The following TOM1 variants were observed in gnomAD, a reference collection of about 807,000 sequenced individuals.
TOM1 encodes the protein target of myb1 membrane trafficking protein.
TOM1 carries 38 observed loss-of-function variants against 61.3 expected under a neutral mutation model. The ratio of observed to expected loss-of-function variants is 0.62; its 90% CI spans 0.48 to 0.81. The LOEUF (loss-of-function observed/expected upper bound fraction) is 0.81. Ranked by LOEUF, TOM1 falls within the 40% of genes least tolerant of loss-of-function variation. The pLI, the probability that TOM1 is intolerant of heterozygous loss-of-function variation, is 0.00. For synonymous variants in TOM1, 270 were observed against 268.8 expected, an observed-to-expected ratio of 1.00 and a Z score of -0.04; for missense variants, 591 against 659.6, an observed-to-expected ratio of 0.90 and a Z score of 1.14.
intron 11 of TOM1, among the ~76,000 whole-genome samples, chr22:35,336,197 G>C (rs901444423): frequency 6.6e-6 from 1 of 152,168 alleles, no homozygotes; most frequent in Non-Finnish European, 1.5e-5. Context: ...CCCAGGGCTT[G>C]GTTTCCACCC....
At chr22:35,304,279 G>C (rs1367275863) in intron 1 of TOM1, among the ~76,000 whole-genome samples, 2 of 152,080 alleles carry the variant, frequency 1.3e-5, no homozygotes, top group Non-Finnish European at 2.9e-5. Flanking sequence ...CCTCAGATAA[G>C]GACATGTACA....
chr22:35,337,127 G>A (rs1040941538), intron 11 of TOM1, among the ~76,000 whole-genome samples: 1 of 152,014 alleles, frequency 6.6e-6, no homozygotes, highest in Non-Finnish European at 1.5e-5. Context: ...TAGTAGAGAC[G>A]GGGTTTCACC....
chr22:35,318,785 G>A (rs1054917970), intron 2 of TOM1, among the ~76,000 whole-genome samples: 2 of 152,260 alleles, frequency 1.3e-5, no homozygotes, highest in Admixed American at 1.3e-4. Context: ...AGCAGGAAGT[G>A]CTGCCAGACG....
Position 35,330,361 on chromosome 22 carries a change from G to T in TOM1, c.780G>T (p.Thr260=), listed in dbSNP as rs187202267. 6.2e-7 allele frequency: 1 copy of T among 1,612,274 alleles called. No individual in the cohort carries two copies. The highest frequency in any genetic ancestry group is 8.5e-7 in the Non-Finnish European group (1 of 1,179,342). ...DLELLQELNR[T]CRAMQQRVLE... ...TTTCCTGGCAGGAGCTCAACCGCAC[G>T]TGCCGAGCCATGCAGCAGCGGGTCC... Residue 260 remains threonine, a synonymous_variant, in exon 8 of 15, where the codon ACG becomes ACT. Transcript: ENST00000449058.
In TOM1 at chr22:35,323,864, G is replaced by T. The variant is rs756741564; in HGVS notation, c.598G>T (p.Ala200Ser). Residue 200 changes from alanine to serine, a missense_variant, in exon 6 of 15, where the codon GCC (alanine) becomes TCC (serine). Ala to Ser is a moderately conservative substitution (Grantham distance 99). Transcript: ENST00000449058. This position sits in a 1 kb window ranked among gnomAD's most constrained non-coding sequence, Gnocchi z 4.2. ...DSGQHAAPLP[A>S]PPILSGDTPI... ...TGGCCAGCATGCTGCCCCTCTGCCC[G>T]CCCCGCCCATACTCTCCGGTGACAC... 1 of 1,609,026 alleles carries T rather than the reference G, an allele frequency of 6.2e-7. No homozygotes were observed. Among genetic ancestry groups the T allele is most frequent in the Non-Finnish European group, 8.5e-7 (1 of 1,177,382 alleles).
At chr22:35,330,306 G>A in intron 7 of TOM1, 41 bp from the exon 8 acceptor site, 1 of 1,574,826 alleles carries the variant, frequency 6.3e-7, no homozygotes, top group Non-Finnish European at 8.6e-7. Context: ...GCCTCACTCT[G>A]AGTCATGTGA....
intron 12 of TOM1, chr22:35,345,418 C>T (rs1930422538): frequency 1.3e-5 from 6 of 473,554 alleles, no homozygotes; most frequent in Non-Finnish European, 2.3e-5. Flanking sequence ...AAAGCCCCTC[C>T]TCCAGCCTAG....
rs575887890 is a variant in TOM1, at chr22:35,339,606, A to T, written c.1224+818A>T. Among the ~76,000 whole-genome samples, 3 of 152,156 alleles carry T rather than the reference A, an allele frequency of 2.0e-5. No individual in the cohort carries two copies. The East Asian group carries it at 5.8e-4, about 29-fold the overall frequency. ...TCTGCAGGAGTGTGGGCAGAGAGGAATAAAAGAGCGGACCCTGGCCAGGCG... is the reference window on the plus strand; with the variant it reads ...TCTGCAGGAGTGTGGGCAGAGAGGATTAAAAGAGCGGACCCTGGCCAGGCG... On this transcript the variant is annotated intron_variant, in intron 12 of 14. Transcript: ENST00000449058.
At chr22:35,333,662 G>C (rs1929031665) in intron 10 of TOM1, among the ~76,000 whole-genome samples, 165 bp downstream of exon 10, 1 of 152,238 alleles carries the variant, frequency 6.6e-6, no homozygotes, top group African/African-American at 2.4e-5. Flanking sequence ...GGGCACTCGG[G>C]GTCACTGCCC....
At chr22:35,312,626 T>C (rs1435492906) in intron 1 of TOM1, among the ~76,000 whole-genome samples, 3 of 152,210 alleles carry the variant, frequency 2.0e-5, no homozygotes, top group African/African-American at 7.2e-5. Flanking sequence ...GTCTTAAAGG[T>C]TGTGGTGACG....
intron 8 of TOM1, 51 bp from the exon 9 acceptor site, chr22:35,332,930 G>C (rs766810565): frequency 6.3e-7 from 1 of 1,597,606 alleles, no homozygotes; most frequent in Admixed American, 1.7e-5. Context: ...GGCCGTGTGT[G>C]GGGGCCTGTC....
chr22:35,309,908 C>T (rs1370820382), intron 1 of TOM1, among the ~76,000 whole-genome samples: 1 of 152,182 alleles, frequency 6.6e-6, no homozygotes, highest in Non-Finnish European at 1.5e-5. Context: ...GCTTCCATCT[C>T]TGTGGCCAGA....
At chr22:35,341,663 A>G (rs1929892409) in intron 12 of TOM1, among the ~76,000 whole-genome samples, 1 of 152,160 alleles carries the variant, frequency 6.6e-6, no homozygotes. Flanking sequence ...GACAGGGTTC[A>G]CTTCCCTAGG....
At chr22:35,303,384 G>C (rs1046071523) in intron 1 of TOM1, among the ~76,000 whole-genome samples, 3 of 152,148 alleles carry the variant, frequency 2.0e-5, no homozygotes, top group African/African-American at 7.2e-5. Context: ...AACAGCATCT[G>C]CCTCACAGGG....
rs78347920 is a variant in TOM1 at position 35,327,877 on chromosome 22, C to T, written c.765+490C>T. ...AGGCAGGTGGAGCTAGTGGTTCCTG[C>T]TCCCGGGTGTCACATGGTATTCCCA... On this transcript the variant is annotated intron_variant, in intron 7 of 14. Coordinates refer to ENST00000449058, the MANE Select transcript of TOM1 (RefSeq NM_005488.3). 1.8e-3 allele frequency among the ~76,000 whole-genome samples: 268 copies of T among 152,252 alleles called. 2 individuals carry two copies. The East Asian group carries it at 0.041, about 23-fold the overall frequency.
intron 7 of TOM1, among the ~76,000 whole-genome samples, chr22:35,329,920 AG>A (rs1233187126): frequency 1.3e-5 from 2 of 152,194 alleles, no homozygotes; most frequent in African/African-American, 2.4e-5. Flanking sequence ...GGAACCTTGA[AG>A]TCCAGTTTGG....
intron 1 of TOM1, among the ~76,000 whole-genome samples, chr22:35,315,793 C>T (rs1397500291): frequency 1.3e-5 from 2 of 152,218 alleles, no homozygotes; most frequent in Non-Finnish European, 2.9e-5. Flanking sequence ...TGTCCAGTCC[C>T]GCAGAAACTG....
At chr22:35,310,146 A>G (rs935961711) in intron 1 of TOM1, among the ~76,000 whole-genome samples, 11 of 152,240 alleles carry the variant, frequency 7.2e-5, no homozygotes, top group Admixed American at 3.9e-4. Context: ...TGGCTGGCCT[A>G]TATCCAGAGG....
chr22:35,313,068 A>C (rs552389217), intron 1 of TOM1, among the ~76,000 whole-genome samples: 2 of 152,122 alleles, frequency 1.3e-5, no homozygotes, highest in Non-Finnish European at 2.9e-5. Flanking sequence ...GGCCGGACAC[A>C]GTGGGCAGTG....
Sources: gnomAD v4.1 joint callset for allele counts (sites outside exome capture counted in the v4.1 genomes callset) on GRCh38, gnomAD v4.1.1 for gene constraint, Gnocchi (gnomAD v3.1) non-coding constraint, MANE v1.5 for transcripts, NCBI Gene and HGNC (gene_info 2026-07-23, HGNC 2026-07-21) for gene names.